Variants in PTPN12 observed in about 807,000 individuals in gnomAD.
PTPN12 encodes the protein tyrosine-protein phosphatase non-receptor type 12.
A neutral mutation model predicts 97.6 loss-of-function variants in PTPN12; 29 were observed. The ratio of observed to expected loss-of-function variants is 0.30; its 90% CI spans 0.22 to 0.41. PTPN12 has a LOEUF of 0.41. Ranked by LOEUF, PTPN12 falls within the 10% of genes least tolerant of loss-of-function variation. PTPN12 has a pLI of 1.00. For synonymous variants in PTPN12, 327 were observed against 300.4 expected (o/e 1.09, Z -0.91); for missense variants, 819 against 926.0 (o/e 0.88, Z 1.50).
At chr7:77,633,632 T>C (rs915576129) in intron 14 of PTPN12, among the ~76,000 whole-genome samples, 2 of 150,932 alleles carry the variant, frequency 1.3e-5, no homozygotes, top group Non-Finnish European at 3.0e-5. Context: ...GTAGCACTTA[T>C]TTATGAAAAC....
chr7:77,610,204 T>C (rs1300845468), intron 9 of PTPN12, among the ~76,000 whole-genome samples: 1 of 152,186 alleles, frequency 6.6e-6, no homozygotes, highest in Non-Finnish European at 1.5e-5. Flanking sequence ...AGCCAAAGGA[T>C]CTATATTTTT....
At position 77,627,088 on chromosome 7, in the gene PTPN12, G is replaced by C; in HGVS notation, c.1409G>C (p.Cys470Ser). 1 of 1,614,154 alleles carries C rather than the reference G, an allele frequency of 6.2e-7. No homozygotes were observed. ...ATTAAAATTAAATCTGCTTCACCTT[G>C]TATAGCTGATAAAATCTCTAAGCCA... ...HAIKIKSASP[C>S]IADKISKPQE... The change falls in exon 13 of 18, where the codon TGT becomes TCT. Residue 470 changes from cysteine (C) to serine (S), a missense_variant. Coordinates refer to ENST00000248594, the MANE Select transcript of PTPN12 (RefSeq NM_002835.4).
At chr7:77,573,339 G>A (rs1455504979) in intron 2 of PTPN12, among the ~76,000 whole-genome samples, 1 of 152,104 alleles carries the variant, frequency 6.6e-6, no homozygotes, top group Non-Finnish European at 1.5e-5. Context: ...CAAGATGAAG[G>A]CACCAGCAGA....
chr7:77,618,615 C>G, intron 12 of PTPN12, 50 bp downstream of exon 12: 1 of 1,204,838 alleles, frequency 8.3e-7, no homozygotes, highest in Non-Finnish European at 1.2e-6. Context: ...TGTTTCTACT[C>G]ACTGTTAATT....
At chr7:77,617,294 C>T (rs1298860956) in intron 11 of PTPN12, among the ~76,000 whole-genome samples, 1 of 152,154 alleles carries the variant, frequency 6.6e-6, no homozygotes, top group Non-Finnish European at 1.5e-5. Flanking sequence ...CCAGATATTT[C>T]TGCACCAAAT....
At chr7:77,589,615 G>A (rs1226993305) in intron 5 of PTPN12, among the ~76,000 whole-genome samples, 1 of 152,030 alleles carries the variant, frequency 6.6e-6, no homozygotes, top group Non-Finnish European at 1.5e-5. Flanking sequence ...TAATTGGGAA[G>A]CCTTAATTTA....
intron 8 of PTPN12, among the ~76,000 whole-genome samples, chr7:77,601,429 C>T (rs760248532): frequency 6.6e-6 from 1 of 152,106 alleles, no homozygotes; most frequent in Non-Finnish European, 1.5e-5. Context: ...ATCCGAACTC[C>T]TGTCCTCAAG....
chr7:77,578,510 C>T (rs1787408234), intron 2 of PTPN12, among the ~76,000 whole-genome samples: 2 of 152,088 alleles, frequency 1.3e-5, no homozygotes, highest in Non-Finnish European at 2.9e-5. Flanking sequence ...TTATATGTGT[C>T]TTCTACAAAT....
chr7:77,596,602 G>A (rs777215656), intron 6 of PTPN12, among the ~76,000 whole-genome samples: 4 of 152,170 alleles, frequency 2.6e-5, no homozygotes, highest in South Asian at 4.1e-4. Context: ...TGTAGAGACA[G>A]GGTTCTGCTA....
chr7:77,538,688 A>C (rs937168542), intron 1 of PTPN12: 1 of 152,388 alleles, frequency 6.6e-6, no homozygotes, highest in African/African-American at 2.4e-5. Context: ...GCGTGAGACC[A>C]GAAGTCGACT....
rs567837036 is a variant in PTPN12, at chr7:77,561,463, T to C, written c.100-9615T>C. On this transcript the variant is annotated intron_variant, in intron 1 of 17. Coordinates refer to ENST00000248594, the MANE Select transcript of PTPN12 (RefSeq NM_002835.4). ...TAGGAGTTAGTGGTTCACCAGGAAG[T>C]GTAGTTTCTCTTTAGAAAGTTTGGT... 1.4e-4 allele frequency among the ~76,000 whole-genome samples: 21 copies of C among 152,272 alleles called. No individual in the cohort carries two copies. The South Asian group carries it at 2.9e-3, about 21-fold the overall frequency.
intron 13 of PTPN12, among the ~76,000 whole-genome samples, chr7:77,628,594 A>G (rs1789284626): frequency 6.8e-6 from 1 of 147,416 alleles, no homozygotes; most frequent in South Asian, 2.2e-4. Context: ...CACTCAAAAG[A>G]TTTTTTTTTT....
chr7:77,583,666 T>A lies in PTPN12; in HGVS notation c.381+16T>A. 6.8e-7 allele frequency: 1 copy of A among 1,477,944 alleles called. No homozygotes were observed. The highest frequency in any genetic ancestry group is 9.3e-7 in the Non-Finnish European group (1 of 1,073,060). 91.6% of individuals were successfully genotyped at this position (1,477,944 alleles called of 1,614,324 possible). ...TAATGTTGTGGTAAGTAATTTACTT[T>A]TCACAATAAATTTTGAGAAATACTT... is the stretch of plus-strand genomic sequence containing the variant. On this transcript the variant is annotated intron_variant, in intron 4 of 17. Coordinates refer to ENST00000248594, the MANE Select transcript of PTPN12 (RefSeq NM_002835.4).
chr7:77,618,408 A>C (rs1788823940), intron 11 of PTPN12, 72 bp from the exon 12 acceptor site: 1 of 1,005,954 alleles, frequency 9.9e-7, no homozygotes, highest in Non-Finnish European at 1.5e-6. Context: ...GCACAGAAAC[A>C]ATTTAGTTGA....
At chr7:77,630,686 A>G (rs1303584481) in intron 13 of PTPN12, among the ~76,000 whole-genome samples, 2 of 152,068 alleles carry the variant, frequency 1.3e-5, no homozygotes, top group African/African-American at 4.8e-5. Flanking sequence ...ATTGATACCT[A>G]AAAAAAACTT....
At chr7:77,636,194 T>C (rs1222358188) in intron 15 of PTPN12, among the ~76,000 whole-genome samples, 1 of 152,170 alleles carries the variant, frequency 6.6e-6, no homozygotes, top group Non-Finnish European at 1.5e-5. Flanking sequence ...CATTTCTAGA[T>C]GCTTCCCATT....
At chr7:77,630,964 A>G (rs1313904765) in intron 13 of PTPN12, among the ~76,000 whole-genome samples, 3 of 152,240 alleles carry the variant, frequency 2.0e-5, no homozygotes, top group African/African-American at 4.8e-5. Context: ...TTTAAGGGTG[A>G]GAACTGCCAT....
intron 11 of PTPN12, among the ~76,000 whole-genome samples, chr7:77,612,944 G>A (rs987937382): frequency 4.0e-5 from 6 of 149,964 alleles, no homozygotes; most frequent in Non-Finnish European, 7.4e-5. Flanking sequence ...GCTAATTTTT[G>A]TATTTTTAGT....
chr7:77,629,134 A>G (rs1029845808), intron 13 of PTPN12, among the ~76,000 whole-genome samples: 3 of 152,016 alleles, frequency 2.0e-5, no homozygotes, highest in African/African-American at 7.2e-5. Flanking sequence ...TATTTTTAGT[A>G]GAGACAGGGT....
Sources: gnomAD v4.1 joint callset for allele counts (sites outside exome capture counted in the v4.1 genomes callset) on GRCh38, gnomAD v4.1.1 for gene constraint, MANE v1.5 for transcripts, NCBI Gene and HGNC (gene_info 2026-07-23, HGNC 2026-07-21) for gene names.